Variants in GSG1L observed in about 807,000 individuals in gnomAD.
The protein encoded by GSG1L is germ cell-specific gene 1-like protein.
A neutral mutation model predicts 42.1 loss-of-function variants in GSG1L; 24 were observed. The ratio of observed to expected loss-of-function variants is 0.57; its 90% CI spans 0.41 to 0.80. GSG1L has a LOEUF of 0.80. GSG1L is among the 30% of genes least tolerant of loss of function. The pLI is 0.00. For missense variants in GSG1L, 445 were observed against 472.2 expected, an observed-to-expected ratio of 0.94 and a Z score of 0.53; for synonymous variants, 215 against 203.5, an observed-to-expected ratio of 1.06 and a Z score of -0.48.
chr16:27,930,001 G>A (rs2084637890), intron 2 of GSG1L, among the ~76,000 whole-genome samples: 1 of 152,100 alleles, frequency 6.6e-6, no homozygotes. Flanking sequence ...CATGTATGCA[G>A]TGCTTCCTGG....
At chr16:27,917,148 C>T (rs748952250) in intron 2 of GSG1L, among the ~76,000 whole-genome samples, 5 of 152,238 alleles carry the variant, frequency 3.3e-5, no homozygotes, top group Non-Finnish European at 5.9e-5. Context: ...ATATAATTTG[C>T]GTTTGCAGTA....
chr16:27,903,452 C>A (rs571211394), intron 2 of GSG1L, among the ~76,000 whole-genome samples: 1 of 152,266 alleles, frequency 6.6e-6, no homozygotes, highest in Admixed American at 6.5e-5. Context: ...ACAGACTGCC[C>A]GTGGGAGGCA....
At chr16:27,895,454 G>A (rs765896307) in intron 2 of GSG1L, among the ~76,000 whole-genome samples, 4 of 152,092 alleles carry the variant, frequency 2.6e-5, no homozygotes, top group African/African-American at 7.2e-5. Context: ...TACTGCAGCC[G>A]TGCAACATTT....
chr16:28,028,980 T>C (rs1198660048), intron 1 of GSG1L, among the ~76,000 whole-genome samples: 2 of 152,178 alleles, frequency 1.3e-5, no homozygotes, highest in Non-Finnish European at 2.9e-5. Flanking sequence ...GGGTGATGCA[T>C]GGCAGGGCAC....
intron 3 of GSG1L, among the ~76,000 whole-genome samples, chr16:27,845,373 T>C (rs2083431568): frequency 6.6e-6 from 1 of 152,050 alleles, no homozygotes; most frequent in South Asian, 2.1e-4. Flanking sequence ...GGACTACAGG[T>C]GTATGCCACT....
intron 1 of GSG1L, among the ~76,000 whole-genome samples, chr16:28,012,285 C>T (rs190923073): frequency 6.6e-6 from 1 of 152,212 alleles, no homozygotes; most frequent in East Asian, 1.9e-4. Context: ...TGTTATGGCA[C>T]ACATCATGTG....
intron 1 of GSG1L, among the ~76,000 whole-genome samples, chr16:28,036,397 G>A (rs553363472): frequency 5.9e-5 from 9 of 152,298 alleles, no homozygotes; most frequent in Admixed American, 2.0e-4. Flanking sequence ...ACCAAGGGCC[G>A]ACTGAAAGTT....
chr16:27,980,960 G>A (rs1025761959), intron 1 of GSG1L, among the ~76,000 whole-genome samples: 4 of 151,558 alleles, frequency 2.6e-5, no homozygotes, highest in Non-Finnish European at 5.9e-5. Context: ...GAGATTGAGT[G>A]AATCACTTGT....
chr16:27,954,462 C>A (rs952013694), intron 2 of GSG1L, among the ~76,000 whole-genome samples: 2 of 152,120 alleles, frequency 1.3e-5, no homozygotes, highest in African/African-American at 2.4e-5. Flanking sequence ...TACTGAAAAC[C>A]AAGAATTAAG....
chr16:27,881,531 C>T (rs762151611), intron 3 of GSG1L, among the ~76,000 whole-genome samples: 1 of 152,074 alleles, frequency 6.6e-6, no homozygotes, highest in Non-Finnish European at 1.5e-5. Context: ...TGAGCAACCG[C>T]ACCCGGCCAA....
chr16:27,910,078 G>A (rs1382646131), intron 2 of GSG1L, among the ~76,000 whole-genome samples: 1 of 148,990 alleles, frequency 6.7e-6, no homozygotes, highest in Non-Finnish European at 1.5e-5. Context: ...TCCTGCCTCA[G>A]CCTCCTGAGT....
At chr16:27,906,682 C>T (rs2084324392) in intron 2 of GSG1L, among the ~76,000 whole-genome samples, 2 of 152,204 alleles carry the variant, frequency 1.3e-5, no homozygotes, top group African/African-American at 4.8e-5. Context: ...CCAGAAAGAT[C>T]CTAACCCATC....
In GSG1L at chr16:27,874,811, G is replaced by A. The variant is rs544563401; in HGVS notation, c.550+9675C>T. On this transcript the variant is annotated intron_variant, in intron 3 of 6. Transcript: ENST00000447459. ...TTAAGTAGAGTGACTTCTGAATTCC[G>A]TGAATCATTCTAGTGAATTATCGAA... Among the ~76,000 whole-genome samples the A allele has an allele frequency of 8.5e-5, 13 of 152,198 alleles. No individual in the cohort carries two copies. The East Asian group carries it at 1.9e-3, about 23-fold the overall frequency.
chr16:28,063,080 C>G lies in GSG1L; in HGVS notation c.345G>C (p.Gly115=). ...CCGCCGCCCGCGCGCACTCACCAAG[C>G]CCGCTGAGCTCCTCCTCGCACGAGT... ...IWYSCEEELS[G]LGEKCRSFID... Residue 115 remains glycine, a synonymous_variant, in exon 1 of 7, where the codon GGG becomes GGC. Transcript: ENST00000447459. The surrounding 1 kb of genome is among the most constrained non-coding windows in gnomAD (Gnocchi z 5.8). The G allele has an allele frequency of 7.0e-7, 1 of 1,426,692 alleles. No individual in the cohort carries two copies. The allele number at this position is 1,426,692 out of a possible 1,614,324, so 88.4% of individuals were successfully genotyped here.
rs531830954 is a variant in GSG1L at position 28,004,174 on chromosome 16, G to A, written c.350-40971C>T. Among the ~76,000 whole-genome samples the A allele has an allele frequency of 2.6e-4, 39 of 152,274 alleles. 1 individual carries two copies. Among genetic ancestry groups the A allele is most frequent in the Non-Finnish European group, 4.1e-4 (28 of 68,016 alleles). On this transcript the variant is annotated intron_variant, in intron 1 of 6. Transcript: ENST00000447459. ...CTCCTCCTGCAGCTCAGAGGCCTCC[G>A]CTCTCAGAGAGGGTAGCTCTCTGCC...
chr16:27,800,486 G>A (rs533413992), intron 6 of GSG1L, among the ~76,000 whole-genome samples: 15 of 152,126 alleles, frequency 9.9e-5, no homozygotes, highest in East Asian at 1.9e-4. Context: ...AACCTCAGTC[G>A]CCCCTGAAAG....
At chr16:27,791,529 C>A (rs995144620) in intron 6 of GSG1L, 62 bp from the exon 7 acceptor site, 3 of 1,058,870 alleles carry the variant, frequency 2.8e-6, no homozygotes, top group Non-Finnish European at 3.8e-6. Context: ...TCCTGTCTAC[C>A]CACCGCCCCC....
intron 2 of GSG1L, among the ~76,000 whole-genome samples, chr16:27,948,273 CCT>C (rs1212424763): frequency 2.6e-5 from 4 of 152,208 alleles, no homozygotes; most frequent in African/African-American, 9.6e-5. Context: ...CCATCCATAA[CCT>C]AGTGTAACAG....
rs1343749005 is a variant in GSG1L at position 27,788,055 on chromosome 16, T to A, written c.*3315A>T. The A allele has an allele frequency of 1.3e-5, 2 of 152,198 alleles. No individual in the cohort carries two copies. Among genetic ancestry groups the A allele is most frequent in the African/African-American group, 4.8e-5 (2 of 41,432 alleles). The allele number at this position is 152,198 out of a possible 1,614,324, so 9.4% of individuals were successfully genotyped here. A position where few individuals can be genotyped will look rare whatever the true frequency, so the allele number is the denominator to read the frequency against. On this transcript the variant is annotated 3_prime_UTR_variant, in exon 7 of 7. Transcript: ENST00000447459. The stretch of plus-strand genomic sequence containing the variant: ...ACAAATTGTTCGCTTGATGAATCAA[T>A]GCGTGAATGAATGAGCACAAACCTC...
Sources: allele counts gnomAD v4.1 joint callset (sites outside exome capture counted in the v4.1 genomes callset), GRCh38; gene constraint gnomAD v4.1.1; non-coding constraint Gnocchi (gnomAD v3.1); transcripts MANE v1.5; gene names NCBI Gene and HGNC (gene_info 2026-07-23, HGNC 2026-07-21).